Variants in TRIP4 observed in about 807,000 individuals in gnomAD.
The protein encoded by TRIP4 is thyroid hormone receptor interactor 4, also known as activating signal cointegrator 1.
TRIP4 carries 54 observed loss-of-function variants against 81.8 expected under a neutral mutation model. The observed-to-expected ratio is 0.66, with a 90% CI of 0.53 to 0.83. The LOEUF (loss-of-function observed/expected upper bound fraction) is 0.83. TRIP4 is among the 40% of genes least tolerant of loss of function. The probability of loss-of-function intolerance (pLI) is 0.00; values close to 1 mark genes in which losing one functional copy is unlikely to be tolerated. For missense variants in TRIP4, 662 were observed against 683.6 expected (o/e 0.97, Z 0.35); for synonymous variants, 270 against 242.8 (o/e 1.11, Z -1.04).
chr15:64,433,852 C>T (rs994450342), intron 11 of TRIP4, among the ~76,000 whole-genome samples: 7 of 152,108 alleles, frequency 4.6e-5, no homozygotes, highest in Admixed American at 2.0e-4. Context: ...TGGTCCAGGA[C>T]GGCTTTGAAT....
At chr15:64,409,015 C>CG (rs769949445) in intron 6 of TRIP4, among the ~76,000 whole-genome samples, 1 of 152,006 alleles carries the variant, frequency 6.6e-6, no homozygotes, top group Non-Finnish European at 1.5e-5. Context: ...GAGTTCAAGA[C>CG]CAGCCAAGCC....
At chr15:64,443,750 G>A (rs762318470) in intron 11 of TRIP4, among the ~76,000 whole-genome samples, 14 of 152,060 alleles carry the variant, frequency 9.2e-5, no homozygotes, top group Non-Finnish European at 1.5e-4. Context: ...GGCTGGGTGC[G>A]GTGGCTCTCT....
rs745672952 is a variant in TRIP4, at chr15:64,398,424, CAAAAAAA to C, written c.618+626_618+632del. On this transcript the variant is annotated intron_variant, in intron 4 of 12. Transcript: ENST00000261884. ...GCAATGTAGGAAGACCCTGTCTCTA[CAAAAAAA>C]AAAAAAAAAAAAAAAAAAAGTTTTT... Among the ~76,000 whole-genome samples the C allele has an allele frequency of 4.7e-3, 76 of 16,314 alleles. No homozygotes were observed. The Middle Eastern group carries it at 0.1, about 21-fold the overall frequency. 10.7% of individuals were successfully genotyped at this position (16,314 alleles called of 152,430 possible).
At chr15:64,419,387 T>TC (rs1485988920) in intron 9 of TRIP4, among the ~76,000 whole-genome samples, 65 of 152,064 alleles carry the variant, frequency 4.3e-4, no homozygotes, top group African/African-American at 1.5e-3. Context: ...AAAGACCGAG[T>TC]CTTGCTCTGT....
intron 1 of TRIP4, among the ~76,000 whole-genome samples, chr15:64,390,555 A>C (rs1900095815): frequency 6.6e-6 from 1 of 152,092 alleles, no homozygotes; most frequent in African/African-American, 2.4e-5. Context: ...TTCTCAGTCT[A>C]GAATCCAGTT....
chr15:64,391,538 G>C (rs1231416341), intron 1 of TRIP4, among the ~76,000 whole-genome samples: 1 of 152,048 alleles, frequency 6.6e-6, no homozygotes, highest in African/African-American at 2.4e-5. Context: ...CCACAATCTG[G>C]ATGAGTTCAT....
rs138093271 is a variant in TRIP4, at chr15:64,453,947, G to A, written c.1679-1050G>A. On this transcript the variant is annotated intron_variant, in intron 12 of 12. Coordinates refer to ENST00000261884, the MANE Select transcript of TRIP4 (RefSeq NM_016213.5). ...ATGACTCGCCTAGGTCACACAGCTA[G>A]TTAATACCAGAGAAGGGTGGACTAG... Among the ~76,000 whole-genome samples the A allele has an allele frequency of 1.9e-4, 29 of 152,262 alleles. No homozygotes were observed. In the East Asian group the frequency reaches 5.4e-3, roughly 28 times the overall value.
rs983905188 is a variant in TRIP4, at chr15:64,419,572, C to A, written c.1358+844C>A. 6.6e-5 allele frequency among the ~76,000 whole-genome samples: 10 copies of A among 151,574 alleles called. No homozygotes were observed. In the South Asian group the frequency reaches 1.0e-3, roughly 16 times the overall value. ...ACGGGGTTTCACCTTGTTAGCCAGG[C>A]TGGTCTCGATCTCCTGACCTCGTGA... On this transcript the variant is annotated intron_variant, in intron 9 of 12. Transcript: ENST00000261884.
intron 10 of TRIP4, among the ~76,000 whole-genome samples, chr15:64,424,778 C>G (rs72741319): frequency 0.049 from 7,386 of 152,082 alleles, 235 homozygotes; most frequent in South Asian, 0.09. Flanking sequence ...AAGCACTTTT[C>G]TTTTTTATTT....
At chr15:64,413,384 C>A (rs1195248895) in intron 7 of TRIP4, among the ~76,000 whole-genome samples, 1 of 151,798 alleles carries the variant, frequency 6.6e-6, no homozygotes, top group South Asian at 2.1e-4. Flanking sequence ...TCTATGTTGC[C>A]CAAGCTGGTC....
At chr15:64,403,428 GAA>G (rs1348245764) in intron 5 of TRIP4, among the ~76,000 whole-genome samples, 4 of 152,134 alleles carry the variant, frequency 2.6e-5, no homozygotes, top group Non-Finnish European at 5.9e-5. Flanking sequence ...CAAAGTGCTG[GAA>G]TTACAGGCAT....
At chr15:64,452,778 C>A (rs554806824) in intron 12 of TRIP4, among the ~76,000 whole-genome samples, 1 of 152,078 alleles carries the variant, frequency 6.6e-6, no homozygotes, top group Non-Finnish European at 1.5e-5. Context: ...TTGGAAGGAA[C>A]CTTCAGTATT....
chr15:64,445,178 A>G, intron 12 of TRIP4, 70 bp downstream of exon 12: 1 of 803,442 alleles, frequency 1.2e-6, no homozygotes, highest in African/African-American at 1.7e-5. Context: ...AAAGTAGAAC[A>G]AGGAGTTCAA....
At chr15:64,423,734 A>G (rs1892070930) in intron 9 of TRIP4, among the ~76,000 whole-genome samples, 1 of 152,168 alleles carries the variant, frequency 6.6e-6, no homozygotes, top group Admixed American at 6.6e-5. Flanking sequence ...AGAAGCACCA[A>G]GACTGGTCAG....
chr15:64,439,512 C>CTT lies in TRIP4; in HGVS notation c.1576-5467_1576-5466dup, dbSNP rs71895300. Among the ~76,000 whole-genome samples the CTT allele has an allele frequency of 1.8e-3, 86 of 47,930 alleles. 13 individuals are homozygous for CTT. Among genetic ancestry groups the CTT allele is most frequent in the African/African-American group, 8.0e-3 (80 of 9,996 alleles). 31.4% of individuals were successfully genotyped at this position (47,930 alleles called of 152,430 possible). On this transcript the variant is annotated intron_variant, in intron 11 of 12. Transcript: ENST00000261884. ...GTTCTTCAAATAACAACTTATAAATCTTTTTTTTTTTTTTTTTTTTTTTTT... is the reference window on the plus strand; with the variant it reads ...GTTCTTCAAATAACAACTTATAAATCTTTTTTTTTTTTTTTTTTTTTTTTTTT...
At chr15:64,453,314 C>T (rs886390210) in intron 12 of TRIP4, among the ~76,000 whole-genome samples, 1 of 152,214 alleles carries the variant, frequency 6.6e-6, no homozygotes, top group Non-Finnish European at 1.5e-5. Context: ...CCTTTACAAT[C>T]TGTACTCTTA....
At chr15:64,401,989 A>G (rs1411172765) in intron 5 of TRIP4, among the ~76,000 whole-genome samples, 2 of 152,216 alleles carry the variant, frequency 1.3e-5, no homozygotes, top group African/African-American at 4.8e-5. Context: ...CCAGTATTAG[A>G]TCCTAGAATA....
At chr15:64,428,603 C>T (rs1217327513) in intron 11 of TRIP4, among the ~76,000 whole-genome samples, 1 of 151,960 alleles carries the variant, frequency 6.6e-6, no homozygotes, top group African/African-American at 2.4e-5. Context: ...AACTTTTTCC[C>T]ACTGTTTCTT....
intron 7 of TRIP4, among the ~76,000 whole-genome samples, chr15:64,412,052 A>T (rs1454641900): frequency 6.6e-6 from 1 of 152,186 alleles, no homozygotes; most frequent in Non-Finnish European, 1.5e-5. Context: ...TTCCCTTGTC[A>T]AAGATTTTTT....
Sources: allele counts gnomAD v4.1 joint callset (sites outside exome capture counted in the v4.1 genomes callset), GRCh38; gene constraint gnomAD v4.1.1; transcripts MANE v1.5; gene names NCBI Gene and HGNC (gene_info 2026-07-23, HGNC 2026-07-21).